Variants in H3-3A observed in about 807,000 individuals in gnomAD.
H3-3A encodes the protein histone H3.3.
For synonymous variants in H3-3A, 49 were observed against 61.4 expected, an observed-to-expected ratio of 0.80 and a Z score of 0.95; for missense variants, 7 against 184.0, an observed-to-expected ratio of 0.04 and a Z score of 5.57.
rs1000866150 is a variant in H3-3A at position 226,071,968 on chromosome 1, C to G, written c.*489C>G. 1 of 218,228 alleles carries G rather than the reference C, an allele frequency of 4.6e-6. No homozygotes were observed. The highest frequency in any genetic ancestry group is 9.2e-6 in the Non-Finnish European group (1 of 108,616). 13.5% of individuals were successfully genotyped at this position (218,228 alleles called of 1,614,324 possible). The stretch of plus-strand genomic sequence containing the variant: ...AATGTTGTCTGTCTTCTGTGCTGTT[C>G]CTGTAAGTTTGCTATTAAAATACAT... On this transcript the variant is annotated 3_prime_UTR_variant, in exon 4 of 4. Coordinates refer to ENST00000366815, the MANE Select transcript of H3-3A (RefSeq NM_002107.7).
At chr1:226,062,488 G>T (rs1015825012), upstream of H3-3A, among the ~76,000 whole-genome samples, 3 of 149,810 alleles carry the variant, frequency 2.0e-5, no homozygotes, top group African/African-American at 7.4e-5. Context: ...CGTGTCTTTT[G>T]TGTTTGTACA....
chr1:226,067,156 A>C (rs1657955265), intron 3 of H3-3A: 1 of 152,256 alleles, frequency 6.6e-6, no homozygotes, highest in Non-Finnish European at 1.5e-5. Context: ...GTACTTGAAA[A>C]GTGTAGCGTT....
intron 3 of H3-3A, among the ~76,000 whole-genome samples, chr1:226,068,932 G>A (rs1658008143): frequency 6.6e-6 from 1 of 152,098 alleles, no homozygotes; most frequent in Non-Finnish European, 1.5e-5. Flanking sequence ...GTAAGACTTA[G>A]TTGTTAATAA....
At chr1:226,070,105 T>A (rs1365323028) in intron 3 of H3-3A, among the ~76,000 whole-genome samples, 1 of 152,142 alleles carries the variant, frequency 6.6e-6, no homozygotes, top group Non-Finnish European at 1.5e-5. Flanking sequence ...CAACAAATGC[T>A]GTTACAAATT....
Position 226,071,269 on chromosome 1 carries a change from C to T in H3-3A, c.283-82C>T, listed in dbSNP as rs1658113297. ...GTCATTTTTTTAAAGGGTTCAAAAA[C>T]CTTTTTGTTTTAATTCGTATAGTTG... On this transcript the variant is annotated intron_variant, in intron 3 of 3. Coordinates refer to ENST00000366815, the MANE Select transcript of H3-3A (RefSeq NM_002107.7). 5 of 1,154,096 alleles carry T rather than the reference C, an allele frequency of 4.3e-6. No homozygotes were observed. In the Admixed American group the frequency reaches 1.0e-4, roughly 23 times the overall value. 71.5% of individuals were successfully genotyped at this position (1,154,096 alleles called of 1,614,324 possible). A position where few individuals can be genotyped will look rare whatever the true frequency, so the allele number is the denominator to read the frequency against.
At chr1:226,067,652 G>C (rs1431589055) in intron 3 of H3-3A, among the ~76,000 whole-genome samples, 1 of 151,748 alleles carries the variant, frequency 6.6e-6, no homozygotes, top group Admixed American at 6.6e-5. Flanking sequence ...TGAGGCAGGA[G>C]AATTGCTTAA....
At chr1:226,063,254 C>T (rs772882935) in intron 1 of H3-3A, among the ~76,000 whole-genome samples, 4 of 152,260 alleles carry the variant, frequency 2.6e-5, no homozygotes, top group African/African-American at 7.2e-5. Flanking sequence ...TGCTGCCTCC[C>T]CACAGTTGTT....
intron 3 of H3-3A, among the ~76,000 whole-genome samples, chr1:226,067,897 TAG>T (rs570508999): frequency 2.4e-4 from 37 of 152,280 alleles, no homozygotes; most frequent in South Asian, 1.0e-3. Flanking sequence ...GTGAGAATGG[TAG>T]AGGAGAAATT....
At chr1:226,065,977 A>C in intron 3 of H3-3A, 168 bp downstream of exon 3, 1 of 645,338 alleles carries the variant, frequency 1.5e-6, no homozygotes, top group Non-Finnish European at 2.8e-6. Flanking sequence ...AAGGTCATAC[A>C]CGTAGAAAAT....
intron 1 of H3-3A, among the ~76,000 whole-genome samples, chr1:226,063,253 C>T (rs1167807306): frequency 6.6e-6 from 1 of 152,138 alleles, no homozygotes; most frequent in Admixed American, 6.5e-5. Context: ...TTGCTGCCTC[C>T]CCACAGTTGT....
At chr1:226,065,990 C>G (rs1657910751) in intron 3 of H3-3A, 181 bp downstream of exon 3, 3 of 618,626 alleles carry the variant, frequency 4.8e-6, no homozygotes, top group Non-Finnish European at 8.9e-6. Context: ...TAGAAAATGG[C>G]AAAACCATAA....
At chr1:226,064,740 G>A (rs1402878545) in intron 2 of H3-3A, among the ~76,000 whole-genome samples, 2 of 152,150 alleles carry the variant, frequency 1.3e-5, no homozygotes, top group African/African-American at 4.8e-5. Flanking sequence ...CACTGATAAT[G>A]TTAATGGGAT....
chr1:226,064,548 A>G, intron 2 of H3-3A, 69 bp downstream of exon 2: 1 of 1,335,322 alleles, frequency 7.5e-7, no homozygotes, highest in Non-Finnish European at 1.0e-6. Flanking sequence ...TAACAAAAAG[A>G]TGGATAACAG....
At chr1:226,062,013 C>G (rs1031352931), upstream of H3-3A, 19 of 152,168 alleles carry the variant, frequency 1.2e-4, no homozygotes, top group Admixed American at 1.2e-3. Context: ...GGGCCGGTCC[C>G]GCAGGACCCG....
upstream of H3-3A, among the ~76,000 whole-genome samples, chr1:226,062,509 G>A (rs1203272582): frequency 2.0e-5 from 3 of 150,012 alleles, no homozygotes; most frequent in East Asian, 2.0e-4. Flanking sequence ...CACACGGCGC[G>A]AGGCGGCCTG....
At chr1:226,071,276 G>T in intron 3 of H3-3A, 75 bp from the exon 4 acceptor site, 5 of 1,227,730 alleles carry the variant, frequency 4.1e-6, no homozygotes, top group Non-Finnish European at 4.7e-6. Context: ...AAACCTTTTT[G>T]TTTTAATTCG....
intron 3 of H3-3A, among the ~76,000 whole-genome samples, chr1:226,070,453 C>T: frequency 6.6e-6 from 1 of 150,644 alleles, no homozygotes; most frequent in Non-Finnish European, 1.5e-5. Context: ...GCCTGGGCAA[C>T]AAAGAGAGAC....
chr1:226,067,018 CTGTTT>C (rs1558102043), intron 3 of H3-3A: 2 of 152,244 alleles, frequency 1.3e-5, no homozygotes, highest in East Asian at 3.9e-4. Flanking sequence ...ACTTTATTTT[CTGTTT>C]TAATAGCCGA....
intron 3 of H3-3A, chr1:226,066,956 CAGTG>C (rs1487041881): frequency 1.3e-5 from 2 of 152,172 alleles, no homozygotes; most frequent in Admixed American, 6.5e-5. Context: ...ATTAAATTCT[CAGTG>C]AGTTGCTGAA....
Sources: allele counts gnomAD v4.1 joint callset (sites outside exome capture counted in the v4.1 genomes callset), GRCh38; gene constraint gnomAD v4.1.1; transcripts MANE v1.5; gene names NCBI Gene and HGNC (gene_info 2026-07-23, HGNC 2026-07-21).